Variants in FNDC5 observed in about 807,000 individuals in gnomAD.
FNDC5 encodes the protein fibronectin type III domain-containing protein 5.
FNDC5 carries 10 observed loss-of-function variants against 24.6 expected under a neutral mutation model. The observed-to-expected ratio is 0.41, with a 90% CI of 0.25 to 0.69. The LOEUF (loss-of-function observed/expected upper bound fraction) is 0.69, where lower values mean the gene tolerates loss of function less well. Ranked by LOEUF, FNDC5 falls within the 30% of genes least tolerant of loss-of-function variation. FNDC5 has a pLI of 0.34. For synonymous variants in FNDC5, 90 were observed against 110.7 expected (o/e 0.81, Z 1.18); for missense variants, 226 against 282.9 (o/e 0.80, Z 1.44).
chr1:32,863,607 CAAG>C lies in FNDC5; in HGVS notation c.*684_*686del. On this transcript the variant is annotated 3_prime_UTR_variant, in exon 6 of 6. Transcript: ENST00000373471. ...TGCAGCCTCCTTCATCTGACTAGGA[CAAG>C]GAGAAGAGAGAACTGTGCAGCTAGC... 1 of 930,552 alleles carries C rather than the reference CAAG, an allele frequency of 1.1e-6. No individual in the cohort carries two copies. The highest frequency in any genetic ancestry group is 1.5e-6 in the Non-Finnish European group (1 of 657,064). The allele number at this position is 930,552 out of a possible 1,614,324, so 57.6% of individuals were successfully genotyped here.
intron 1 of FNDC5, among the ~76,000 whole-genome samples, chr1:32,870,103 G>T (rs951496967): frequency 6.6e-6 from 1 of 152,280 alleles, no homozygotes; most frequent in Middle Eastern, 3.4e-3. Context: ...CAAAGACAGA[G>T]TGGCAGGAGA....
chr1:32,867,920 G>A, intron 3 of FNDC5, 78 bp from the exon 4 acceptor site: 1 of 1,416,722 alleles, frequency 7.1e-7, no homozygotes, highest in Non-Finnish European at 9.9e-7. Context: ...CAAGACAACA[G>A]TGCTGATTTC....
chr1:32,868,941 C>G lies in FNDC5; in HGVS notation c.151G>C (p.Val51Leu). 1 of 1,236,512 alleles carries G rather than the reference C, an allele frequency of 8.1e-7. No individual in the cohort carries two copies. Among genetic ancestry groups the G allele is most frequent in the South Asian group, 4.1e-5 (1 of 24,626 alleles). 76.6% of individuals were successfully genotyped at this position (1,236,512 alleles called of 1,614,324 possible). The change falls in exon 2 of 6, where the codon GTG (valine) becomes CTG (leucine). Residue 51 changes from valine to leucine, a missense_variant. Physicochemically the swap from Val to Leu is conservative, Grantham distance 32. Transcript: ENST00000373471. The surrounding 1 kb of genome is among the most constrained non-coding windows in gnomAD (Gnocchi z 4.8). Reference sequence around the variant, plus strand: ...TCCTCCAGAACATCCCAGCTCACCACTGCAGAGTTGGCCTTGAGGTGCCTG... The same window carrying G: ...TCCTCCAGAACATCCCAGCTCACCAGTGCAGAGTTGGCCTTGAGGTGCCTG...
chr1:32,862,405 G>A lies in FNDC5; in HGVS notation c.*1889C>T, dbSNP rs1425682437. On this transcript the variant is annotated 3_prime_UTR_variant, in exon 6 of 6. Coordinates refer to ENST00000373471, the MANE Select transcript of FNDC5 (RefSeq NM_153756.3). ...AGGGATGGAAGTCACAAGACAATGAGTGGAGCCTCATGCCCTCCCATGAGG... is the reference window on the plus strand; with the variant it reads ...AGGGATGGAAGTCACAAGACAATGAATGGAGCCTCATGCCCTCCCATGAGG... 6.5e-6 allele frequency: 1 copy of A among 152,690 alleles called. No individual in the cohort carries two copies. Among genetic ancestry groups the A allele is most frequent in the Non-Finnish European group, 1.5e-5 (1 of 68,096 alleles). 9.5% of individuals were successfully genotyped at this position (152,690 alleles called of 1,614,324 possible).
intron 5 of FNDC5, 131 bp downstream of exon 5, chr1:32,864,533 C>T (rs1405427015): frequency 1.9e-6 from 3 of 1,544,078 alleles, no homozygotes; most frequent in Non-Finnish European, 1.7e-6. Flanking sequence ...CTGTGTCACA[C>T]AGGCAGCAGC....
chr1:32,868,124 C>T lies in FNDC5; in HGVS notation c.409+66G>A. ...AGGAGACAGAGCTTTCCTCAAGCCA[C>T]CCACTGGTCTGGTCCTGACCACCCC... On this transcript the variant is annotated intron_variant, in intron 3 of 5. Coordinates refer to ENST00000373471, the MANE Select transcript of FNDC5 (RefSeq NM_153756.3). This position sits in a 1 kb window ranked among gnomAD's most constrained non-coding sequence, Gnocchi z 4.8. 3 of 1,565,642 alleles carry T rather than the reference C, an allele frequency of 1.9e-6. No individual in the cohort carries two copies. Among genetic ancestry groups the T allele is most frequent in the Admixed American group, 3.4e-5 (2 of 58,640 alleles).
chr1:32,864,447 T>C, intron 5 of FNDC5, 148 bp from the exon 6 acceptor site: 1 of 1,477,856 alleles, frequency 6.8e-7, no homozygotes, highest in Non-Finnish European at 8.9e-7. Flanking sequence ...ACTGCTTTTT[T>C]TTTTTTTTCT....
In FNDC5 at chr1:32,863,829, T is replaced by C. The variant is rs1350664159; in HGVS notation, c.*465A>G. 7.7e-7 allele frequency: 1 copy of C among 1,305,500 alleles called. No homozygotes were observed. The highest frequency in any genetic ancestry group is 1.0e-6 in the Non-Finnish European group (1 of 989,878). 80.9% of individuals were successfully genotyped at this position (1,305,500 alleles called of 1,614,324 possible). ...CCAGGCCTAATTGTGAATAGCCTTC[T>C]TGCAAGGCTGGAAACAGGACAGAAG... On this transcript the variant is annotated 3_prime_UTR_variant, in exon 6 of 6. Transcript: ENST00000373471.
At chr1:32,864,916 G>T in intron 4 of FNDC5, 119 bp from the exon 5 acceptor site, 1 of 1,425,138 alleles carries the variant, frequency 7.0e-7, no homozygotes, top group Non-Finnish European at 9.4e-7. Flanking sequence ...TACTACTGCA[G>T]CACCCTCCCT....
In FNDC5 at chr1:32,870,740, G is replaced by C. The variant is rs1488980316; in HGVS notation, c.7C>G (p.Pro3Ala). ...GGCGGCCAGGCGCTCGGCGACCCGG[G>C]GTGTATGGTGGCTCCTCCGGCCGGC... is the stretch of plus-strand genomic sequence containing the variant. Residue 3 changes from proline to alanine, a missense_variant, in exon 1 of 6, where the codon CCC becomes GCC. Transcript: ENST00000373471. The C allele has an allele frequency of 1.2e-5, 14 of 1,151,228 alleles. No individual in the cohort carries two copies. Among genetic ancestry groups the C allele is most frequent in the African/African-American group, 1.6e-5 (1 of 61,000 alleles). The allele number at this position is 1,151,228 out of a possible 1,614,324, so 71.3% of individuals were successfully genotyped here.
intron 4 of FNDC5, 97 bp downstream of exon 4, chr1:32,867,656 A>C: frequency 8.1e-7 from 1 of 1,229,916 alleles, no homozygotes. Context: ...GAGATGTCCA[A>C]ACCCCTTACC....
intron 5 of FNDC5, 71 bp from the exon 6 acceptor site, chr1:32,864,370 G>A: frequency 6.3e-7 from 1 of 1,596,538 alleles, no homozygotes; most frequent in Non-Finnish European, 8.5e-7. Flanking sequence ...CACAGCAGGA[G>A]CAGGAATGGG....
At position 32,863,099 on chromosome 1, in the gene FNDC5, T is replaced by C. The variant is rs779155435; in HGVS notation, c.*1195A>G. ...CTCCAAGAGATACTTCCTAAATAAA[T>C]TGGACCAGTACCTTCCAAACTGATG... On this transcript the variant is annotated 3_prime_UTR_variant, in exon 6 of 6. Transcript: ENST00000373471. 1.3e-5 allele frequency: 2 copies of C among 152,494 alleles called. No homozygotes were observed. Among genetic ancestry groups the C allele is most frequent in the East Asian group, 1.9e-4 (1 of 5,198 alleles). 9.4% of individuals were successfully genotyped at this position (152,494 alleles called of 1,614,324 possible). A position where few individuals can be genotyped will look rare whatever the true frequency, so the allele number is the denominator to read the frequency against.
chr1:32,864,166 GA>G lies in FNDC5; in HGVS notation c.*127del. 6.3e-7 allele frequency: 1 copy of G among 1,597,498 alleles called. No individual in the cohort carries two copies. The highest frequency in any genetic ancestry group is 1.1e-5 in the South Asian group (1 of 87,802). ...AGGACAGTAAGCCAGAGGGTACAAG[GA>G]GATGGAGGGAAGAGATGTAGAGAGG... On this transcript the variant is annotated 3_prime_UTR_variant, in exon 6 of 6. Transcript: ENST00000373471.
chr1:32,866,131 T>C (rs1385455421), intron 4 of FNDC5, among the ~76,000 whole-genome samples: 1 of 152,212 alleles, frequency 6.6e-6, no homozygotes, highest in Admixed American at 6.5e-5. Context: ...CCCTCCCTAT[T>C]ATCCTAACAA....
rs1449997177 is a variant in FNDC5 at position 32,862,995 on chromosome 1, C to G, written c.*1299G>C. 5 of 152,796 alleles carry G rather than the reference C, an allele frequency of 3.3e-5. No homozygotes were observed. Among genetic ancestry groups the G allele is most frequent in the African/African-American group, 1.2e-4 (5 of 41,452 alleles). The allele number at this position is 152,796 out of a possible 1,614,324, so 9.5% of individuals were successfully genotyped here. A position where few individuals can be genotyped will look rare whatever the true frequency, so the allele number is the denominator to read the frequency against. ...GGCCTGCCTTCCAGCAGCTTCTACT[C>G]CAGAAGGGGTGTTTTGGTAGCCCCC... On this transcript the variant is annotated 3_prime_UTR_variant, in exon 6 of 6. Transcript: ENST00000373471.
rs772839146 is a variant in FNDC5, at chr1:32,864,791, A to G, written c.506T>C (p.Ile169Thr). Reference sequence around the variant, plus strand: ...GTCATACTGGCGGCAGAAGAGGGCAATGACACCTGAGGGGGGACAAGTGAG... The same window carrying G: ...GTCATACTGGCGGCAGAAGAGGGCAGTGACACCTGAGGGGGGACAAGTGAG... Residue 169 changes from isoleucine (I) to threonine (T), a missense_variant, in exon 5 of 6, where the codon ATT becomes ACT. Transcript: ENST00000373471. 9.3e-6 allele frequency: 15 copies of G among 1,614,058 alleles called. No individual in the cohort carries two copies. Among genetic ancestry groups the G allele is most frequent in the South Asian group, 3.3e-5 (3 of 91,060 alleles).
chr1:32,871,051 C>T (rs921099659), upstream of FNDC5: 1 of 150,826 alleles, frequency 6.6e-6, no homozygotes, highest in Non-Finnish European at 1.5e-5. Context: ...CTATTAGGTC[C>T]TCTGCCGGGG....
At chr1:32,870,588 T>TC in intron 1 of FNDC5, 65 bp downstream of exon 1, 1 of 1,013,070 alleles carries the variant, frequency 9.9e-7, no homozygotes, top group South Asian at 4.9e-5. Flanking sequence ...ACCAGGGGAC[T>TC]CCCAGGTAGC....
Sources: allele counts gnomAD v4.1 joint callset (sites outside exome capture counted in the v4.1 genomes callset), GRCh38; gene constraint gnomAD v4.1.1; non-coding constraint Gnocchi (gnomAD v3.1); transcripts MANE v1.5; gene names NCBI Gene and HGNC (gene_info 2026-07-23, HGNC 2026-07-21).